The following EIPR1 variants were observed in gnomAD, a reference collection of about 807,000 sequenced individuals.
EIPR1 encodes EARP complex and GARP complex interacting protein 1.
In EIPR1, 25 loss-of-function variants were observed where a neutral mutation model predicts 48.1. That is an observed-to-expected ratio of 0.52 (90% confidence interval 0.38 to 0.73). The LOEUF (loss-of-function observed/expected upper bound fraction) is 0.73, where lower values mean the gene tolerates loss of function less well. EIPR1 is among the 30% of genes least tolerant of loss of function. The probability of loss-of-function intolerance (pLI) is 0.00; values close to 1 mark genes in which losing one functional copy is unlikely to be tolerated. For synonymous variants in EIPR1, 204 were observed against 201.9 expected, an observed-to-expected ratio of 1.01 and a Z score of -0.09; for missense variants, 415 against 506.2, an observed-to-expected ratio of 0.82 and a Z score of 1.73.
intron 3 of EIPR1, chr2:3,319,983 G>A (rs1161327177): frequency 1.6e-5 from 3 of 190,110 alleles, no homozygotes; most frequent in Admixed American, 6.8e-5. Context: ...CTGAGGCAGA[G>A]CAATACCACA....
intron 5 of EIPR1, among the ~76,000 whole-genome samples, chr2:3,205,959 CA>C (rs1176437082): frequency 6.6e-6 from 1 of 152,188 alleles, no homozygotes; most frequent in Non-Finnish European, 1.5e-5. Flanking sequence ...ACTCAAAAAA[CA>C]GCACCTTGGA....
chr2:3,216,233 C>T (rs987917321), intron 4 of EIPR1, among the ~76,000 whole-genome samples: 5 of 152,162 alleles, frequency 3.3e-5, no homozygotes, highest in African/African-American at 1.2e-4. Flanking sequence ...GCACTTACCC[C>T]ATGCGGGACA....
At chr2:3,197,415 C>T (rs997442782) in intron 5 of EIPR1, among the ~76,000 whole-genome samples, 10 of 152,234 alleles carry the variant, frequency 6.6e-5, no homozygotes, top group African/African-American at 2.4e-4. Flanking sequence ...CAAACACATT[C>T]ACTTGGTCAG....
At chr2:3,212,007 A>C (rs937454203) in intron 5 of EIPR1, among the ~76,000 whole-genome samples, 1 of 152,240 alleles carries the variant, frequency 6.6e-6, no homozygotes, top group African/African-American at 2.4e-5. Context: ...GTAATGATGC[A>C]GTGAGCATGA....
At chr2:3,237,891 C>T (rs1246585446) in intron 4 of EIPR1, among the ~76,000 whole-genome samples, 1 of 152,200 alleles carries the variant, frequency 6.6e-6, no homozygotes, top group Non-Finnish European at 1.5e-5. Context: ...TGTTATCAGA[C>T]GCGAAGAGAT....
At chr2:3,339,681 G>A (rs12611750) in intron 2 of EIPR1, among the ~76,000 whole-genome samples, 10,184 of 151,982 alleles carry the variant, frequency 0.067, 350 homozygotes, top group African/African-American at 0.077. Flanking sequence ...GGGCGCGGTG[G>A]CTCACGCCTG....
rs192502357 is a variant in EIPR1, at chr2:3,360,277, G to A, written c.43-5644C>T. ...AACTTAGCTGGGCGTGGTGGTGAGCGCCTGTAATCTCAGCTACTCAAGAGG... is the reference window on the plus strand; with the variant it reads ...AACTTAGCTGGGCGTGGTGGTGAGCACCTGTAATCTCAGCTACTCAAGAGG... On this transcript the variant is annotated intron_variant, in intron 1 of 8. Transcript: ENST00000382125. Among the ~76,000 whole-genome samples, 210 of 152,162 alleles carry A rather than the reference G, an allele frequency of 1.4e-3. 1 individual carries two copies. The highest frequency in any genetic ancestry group is 4.8e-3 in the African/African-American group (201 of 41,526).
intron 3 of EIPR1, among the ~76,000 whole-genome samples, chr2:3,307,126 C>CTA (rs1200025741): frequency 6.6e-6 from 1 of 152,004 alleles, no homozygotes; most frequent in Non-Finnish European, 1.5e-5. Flanking sequence ...CCACACCCTG[C>CTA]TAATTTTTGT....
chr2:3,356,246 G>A (rs886465199), intron 1 of EIPR1, among the ~76,000 whole-genome samples: 1 of 152,220 alleles, frequency 6.6e-6, no homozygotes, highest in Non-Finnish European at 1.5e-5. Flanking sequence ...TGCGCAAAGT[G>A]CCTCTGTTCA....
At chr2:3,199,404 T>C (rs1177320701) in intron 5 of EIPR1, among the ~76,000 whole-genome samples, 1 of 152,152 alleles carries the variant, frequency 6.6e-6, no homozygotes, top group African/African-American at 2.4e-5. Flanking sequence ...AAGACAGGCA[T>C]AGGAAATTAT....
At chr2:3,367,906 G>A (rs950604505) in intron 1 of EIPR1, among the ~76,000 whole-genome samples, 13 of 152,042 alleles carry the variant, frequency 8.6e-5, no homozygotes, top group African/African-American at 1.5e-4. Context: ...TTAGCCAGGC[G>A]CGGTGGCAGG....
chr2:3,350,575 G>A (rs1427923922), intron 2 of EIPR1, among the ~76,000 whole-genome samples: 4 of 152,128 alleles, frequency 2.6e-5, no homozygotes, highest in Non-Finnish European at 5.9e-5. Flanking sequence ...ACGAATATCT[G>A]TTCAGGTTTT....
chr2:3,318,033 A>G (rs780837313), intron 3 of EIPR1, among the ~76,000 whole-genome samples: 5 of 152,214 alleles, frequency 3.3e-5, no homozygotes, highest in Non-Finnish European at 7.3e-5. Flanking sequence ...CGGACGGGGC[A>G]TCATCTCAAG....
intron 3 of EIPR1, among the ~76,000 whole-genome samples, chr2:3,334,066 A>C (rs1669974897): frequency 6.6e-6 from 1 of 152,204 alleles, no homozygotes; most frequent in Non-Finnish European, 1.5e-5. Flanking sequence ...AAAGAGCAAC[A>C]ACAAAGAAAA....
intron 3 of EIPR1, among the ~76,000 whole-genome samples, chr2:3,259,376 A>T (rs1667258252): frequency 6.6e-6 from 1 of 151,074 alleles, no homozygotes; most frequent in Admixed American, 6.6e-5. Flanking sequence ...AGCTCACCAA[A>T]CTCCTTAACT....
intron 2 of EIPR1, among the ~76,000 whole-genome samples, chr2:3,339,863 T>C (rs895563200): frequency 1.3e-5 from 2 of 152,178 alleles, no homozygotes; most frequent in African/African-American, 4.8e-5. Context: ...GGCAGGAGAA[T>C]GGCGTGAACC....
intron 4 of EIPR1, among the ~76,000 whole-genome samples, chr2:3,227,934 G>A (rs980214577): frequency 6.6e-6 from 1 of 152,270 alleles, no homozygotes; most frequent in South Asian, 2.1e-4. Context: ...CTAGATTTCA[G>A]AGGATGTATG....
At chr2:3,277,679 CCGGGG>C (rs1325148830) in intron 3 of EIPR1, among the ~76,000 whole-genome samples, 7 of 152,220 alleles carry the variant, frequency 4.6e-5, no homozygotes, top group Non-Finnish European at 1.0e-4. Flanking sequence ...TCTAAGGAGC[CCGGGG>C]CATGAGTGGG....
intron 1 of EIPR1, among the ~76,000 whole-genome samples, chr2:3,376,088 A>C (rs1171147663): frequency 6.6e-6 from 1 of 152,096 alleles, no homozygotes; most frequent in African/African-American, 2.4e-5. Flanking sequence ...CAGCCTGGGC[A>C]ACATGGCGAA....
Sources: allele counts gnomAD v4.1 joint callset (sites outside exome capture counted in the v4.1 genomes callset), GRCh38; gene constraint gnomAD v4.1.1; transcripts MANE v1.5; gene names NCBI Gene and HGNC (gene_info 2026-07-23, HGNC 2026-07-21).